Variants in CSMD1 observed in about 807,000 individuals in gnomAD.
The protein encoded by CSMD1 is CUB and Sushi multiple domains 1.
Under a neutral mutation model 417.5 loss-of-function variants are expected in CSMD1, and 213 were observed. The ratio of observed to expected loss-of-function variants is 0.51; its 90% CI spans 0.46 to 0.57. CSMD1 has a LOEUF of 0.57. Ranked by LOEUF, CSMD1 falls within the 20% of genes least tolerant of loss-of-function variation. CSMD1 has a pLI of 0.00. For synonymous variants in CSMD1, 2,862 were observed against 1,736.8 expected (o/e 1.65, Z -16.11); for missense variants, 6,923 against 4,529.7 (o/e 1.53, Z -15.17).
intron 10 of CSMD1, among the ~76,000 whole-genome samples, chr8:3,562,816 C>A (rs562324749): frequency 3.8e-4 from 58 of 151,902 alleles, no homozygotes; most frequent in Non-Finnish European, 7.4e-4. Context: ...ACAACTAAGG[C>A]GCACTAGGCT....
Position 4,637,444 on chromosome 8 carries a change from C to T in CSMD1, c.200G>A (p.Arg67His), listed in dbSNP as rs371015364. The T allele has an allele frequency of 3.7e-6, 6 of 1,613,592 alleles. No homozygotes were observed. The highest frequency in any genetic ancestry group is 1.1e-5 in the South Asian group (1 of 91,074). Residue 67 changes from arginine (R) to histidine (H), a missense_variant, in exon 2 of 70, where the codon CGC becomes CAC. Arg to His is a conservative substitution (Grantham distance 29, BLOSUM62 0). Coordinates refer to ENST00000635120, the MANE Select transcript of CSMD1 (RefSeq NM_033225.6). Reference protein sequence around the residue: ...NCTWIIITGERNRIQLSFHTF... With the variant: ...NCTWIIITGEHNRIQLSFHTF... ...ATGGAAGGACAACTGTATCCTATTGCGCTCGCCCGTGATGATGATCCAGGT... is the reference window on the plus strand; with the variant it reads ...ATGGAAGGACAACTGTATCCTATTGTGCTCGCCCGTGATGATGATCCAGGT...
chr8:3,329,659 G>A (rs567635684), intron 23 of CSMD1, among the ~76,000 whole-genome samples: 1 of 152,300 alleles, frequency 6.6e-6, no homozygotes, highest in East Asian at 1.9e-4. Context: ...GCCATCAAAA[G>A]TAAAGCCCCA....
At chr8:3,395,315 G>A (rs1182508722) in intron 17 of CSMD1, among the ~76,000 whole-genome samples, 9 of 152,050 alleles carry the variant, frequency 5.9e-5, no homozygotes, top group South Asian at 2.1e-4. Flanking sequence ...ACTTTTTCTC[G>A]CTTTTTCCGT....
chr8:4,071,527 T>G (rs939683970), intron 3 of CSMD1, among the ~76,000 whole-genome samples: 2 of 152,200 alleles, frequency 1.3e-5, no homozygotes, highest in African/African-American at 2.4e-5. Flanking sequence ...TAAGCATAAT[T>G]GTAATAACAG....
intron 51 of CSMD1, among the ~76,000 whole-genome samples, chr8:3,025,725 G>A (rs1809822969): frequency 6.6e-6 from 1 of 152,050 alleles, no homozygotes; most frequent in African/African-American, 2.4e-5. Flanking sequence ...CACATTAAGG[G>A]GCTTTGAAAA....
intron 25 of CSMD1, among the ~76,000 whole-genome samples, chr8:3,296,435 C>G (rs79435271): frequency 6.6e-6 from 1 of 151,970 alleles, no homozygotes; most frequent in Admixed American, 6.6e-5. Flanking sequence ...GAGGTGCCTA[C>G]GCACAGAGGG....
At chr8:4,716,523 C>T (rs1230083024) in intron 1 of CSMD1, among the ~76,000 whole-genome samples, 1 of 152,154 alleles carries the variant, frequency 6.6e-6, no homozygotes, top group Non-Finnish European at 1.5e-5. Flanking sequence ...TCTATGTTTA[C>T]ACTTACCTAC....
intron 7 of CSMD1, among the ~76,000 whole-genome samples, chr8:3,693,977 T>C (rs114968872): frequency 0.019 from 2,947 of 151,326 alleles, 91 homozygotes; most frequent in African/African-American, 0.064. Flanking sequence ...GTGTTGGGTA[T>C]GTGTGTTGTT....
chr8:4,392,354 G>C (rs1241815016), intron 3 of CSMD1, among the ~76,000 whole-genome samples: 1 of 152,140 alleles, frequency 6.6e-6, no homozygotes, highest in African/African-American at 2.4e-5. Context: ...GTCACATGAG[G>C]AGGAGCAGTA....
intron 12 of CSMD1, among the ~76,000 whole-genome samples, chr8:3,455,081 C>G (rs556063444): frequency 1.3e-5 from 2 of 152,298 alleles, no homozygotes; most frequent in East Asian, 1.9e-4. Flanking sequence ...ATCACTGATA[C>G]CCTTTCTTTC....
chr8:3,587,852 T>C (rs1447906469), intron 8 of CSMD1, among the ~76,000 whole-genome samples: 1 of 152,132 alleles, frequency 6.6e-6, no homozygotes, highest in East Asian at 1.9e-4. Context: ...TCACCAGGAA[T>C]CTAGGACAAC....
chr8:3,814,028 C>G (rs889916832), intron 5 of CSMD1, among the ~76,000 whole-genome samples: 2 of 152,132 alleles, frequency 1.3e-5, no homozygotes, highest in African/African-American at 2.4e-5. Context: ...AGATTAAAAA[C>G]TGTCTTTAAA....
intron 5 of CSMD1, among the ~76,000 whole-genome samples, chr8:3,858,901 A>ATG (rs775765149): frequency 8.5e-5 from 13 of 152,170 alleles, no homozygotes; most frequent in Non-Finnish European, 1.6e-4. Context: ...AAATCTATAT[A>ATG]TTTTACAAAT....
At chr8:4,820,934 T>G (rs1027813805) in intron 1 of CSMD1, among the ~76,000 whole-genome samples, 4 of 152,184 alleles carry the variant, frequency 2.6e-5, no homozygotes, top group Non-Finnish European at 5.9e-5. Context: ...TCATGTTGCT[T>G]CCATCTTTCC....
At chr8:4,630,507 T>A (rs897730843) in intron 2 of CSMD1, among the ~76,000 whole-genome samples, 2 of 151,990 alleles carry the variant, frequency 1.3e-5, no homozygotes, top group South Asian at 4.2e-4. Flanking sequence ...ACAAAAATAC[T>A]CAAACTTAAC....
At chr8:4,549,127 G>T (rs1218617400) in intron 2 of CSMD1, among the ~76,000 whole-genome samples, 2 of 151,900 alleles carry the variant, frequency 1.3e-5, no homozygotes, top group African/African-American at 4.8e-5. Context: ...TAAAAAAATA[G>T]CATCTTGCCC....
At position 4,416,268 on chromosome 8, in the gene CSMD1, C is replaced by A. The variant is rs562288120; in HGVS notation, c.415+3685G>T. 5.9e-5 allele frequency among the ~76,000 whole-genome samples: 9 copies of A among 152,206 alleles called. No homozygotes were observed. In the South Asian group the frequency reaches 1.7e-3, roughly 28 times the overall value. ...CAAAACTTCTATTTTCCGAAAGCTA[C>A]TGGATCATAAAGAATACAATTAACT... is the stretch of plus-strand genomic sequence containing the variant. On this transcript the variant is annotated intron_variant, in intron 3 of 69. Coordinates refer to ENST00000635120, the MANE Select transcript of CSMD1 (RefSeq NM_033225.6).
At chr8:3,881,115 TAAG>T (rs984840499) in intron 5 of CSMD1, among the ~76,000 whole-genome samples, 5 of 152,114 alleles carry the variant, frequency 3.3e-5, no homozygotes, top group Non-Finnish European at 5.9e-5. Flanking sequence ...TGACTGAAAT[TAAG>T]AAGATCTAAA....
chr8:4,614,334 A>C (rs1329677883), intron 2 of CSMD1, among the ~76,000 whole-genome samples: 7 of 152,200 alleles, frequency 4.6e-5, no homozygotes, highest in African/African-American at 1.7e-4. Flanking sequence ...TCTTGAAGGT[A>C]GCACTCCCAC....
Sources: gnomAD v4.1 joint callset for allele counts (sites outside exome capture counted in the v4.1 genomes callset) on GRCh38, gnomAD v4.1.1 for gene constraint, MANE v1.5 for transcripts, NCBI Gene and HGNC (gene_info 2026-07-23, HGNC 2026-07-21) for gene names.